Variants in BCL9 observed in about 807,000 individuals in gnomAD.
The protein encoded by BCL9 is BCL9 transcription coactivator.
BCL9 carries 25 observed loss-of-function variants against 88.5 expected under a neutral mutation model. The ratio of observed to expected loss-of-function variants is 0.28; its 90% CI spans 0.21 to 0.39. The LOEUF is 0.39. Ranked by LOEUF, BCL9 falls within the 10% of genes least tolerant of loss-of-function variation. BCL9 has a pLI of 1.00. For synonymous variants in BCL9, 711 were observed against 673.3 expected, an observed-to-expected ratio of 1.06 and a Z score of -0.87; for missense variants, 1,817 against 1,877.8, an observed-to-expected ratio of 0.97 and a Z score of 0.60.
At chr1:147,580,843 G>A (rs1394160942) in intron 1 of BCL9, among the ~76,000 whole-genome samples, 1 of 151,994 alleles carries the variant, frequency 6.6e-6, no homozygotes, top group African/African-American at 2.4e-5. Context: ...CTATGTGCTG[G>A]GTATTTTTCT....
rs587761900 is a variant in BCL9, at chr1:147,615,788, C to T, written c.561-15C>T. The T allele has an allele frequency of 8.1e-6, 13 of 1,608,258 alleles. No homozygotes were observed. The East Asian group carries it at 2.5e-4, about 30-fold the overall frequency. ...AAACAAGTTCTAGTGTGTGCTGTCT[C>T]TTCCATCTTTGCAGAGCTGCAGAAG... is the stretch of plus-strand genomic sequence containing the variant. On this transcript the variant is annotated splice_polypyrimidine_tract_variant and intron_variant, in intron 6 of 9. Coordinates refer to ENST00000234739, the MANE Select transcript of BCL9 (RefSeq NM_004326.4).
intron 1 of BCL9, among the ~76,000 whole-genome samples, chr1:147,547,289 G>A (rs1161395799): frequency 6.6e-6 from 1 of 152,164 alleles, no homozygotes; most frequent in Non-Finnish European, 1.5e-5. Context: ...AGAGGGTAGA[G>A]AATGAATGAT....
chr1:147,587,229 G>C (rs1656653398), intron 1 of BCL9, among the ~76,000 whole-genome samples: 1 of 151,382 alleles, frequency 6.6e-6, no homozygotes, highest in Non-Finnish European at 1.5e-5. Context: ...TTATACGCCC[G>C]AGAGAACCCA....
chr1:147,552,583 G>A (rs1342462656), intron 1 of BCL9, among the ~76,000 whole-genome samples: 4 of 152,148 alleles, frequency 2.6e-5, no homozygotes, highest in African/African-American at 9.7e-5. Flanking sequence ...TCCAGCCTGG[G>A]CAAAAAGAGT....
intron 1 of BCL9, among the ~76,000 whole-genome samples, chr1:147,581,769 C>T (rs782042420): frequency 2.0e-5 from 3 of 152,114 alleles, no homozygotes; most frequent in Non-Finnish European, 4.4e-5. Context: ...GAATTTTAGA[C>T]GCTGGCGACT....
At chr1:147,566,736 G>T (rs782457260) in intron 1 of BCL9, among the ~76,000 whole-genome samples, 1 of 147,014 alleles carries the variant, frequency 6.8e-6, no homozygotes, top group African/African-American at 2.5e-5. Flanking sequence ...AGCCCTGGGT[G>T]ACAGAGCGAG....
intron 1 of BCL9, among the ~76,000 whole-genome samples, chr1:147,576,059 G>T (rs587594321): frequency 6.6e-6 from 1 of 151,858 alleles, no homozygotes; most frequent in Non-Finnish European, 1.5e-5. Flanking sequence ...GATGCATTGC[G>T]GGGGAATAAG....
chr1:147,620,088 C>A lies in BCL9; in HGVS notation c.1933C>A (p.Pro645Thr). The A allele has an allele frequency of 6.2e-7, 1 of 1,614,194 alleles. No homozygotes were observed. The highest frequency in any genetic ancestry group is 8.5e-7 in the Non-Finnish European group (1 of 1,180,032). Residue 645 changes from proline to threonine, a missense_variant, in exon 8 of 10, where the codon CCA becomes ACA. This residue lies in a region of BCL9 where 1,228 missense variants were observed against 1,191.6 expected (regional missense o/e 1.03). Coordinates refer to ENST00000234739, the MANE Select transcript of BCL9 (RefSeq NM_004326.4). ...GGCAGAGAAACAGCTGGGTCTCCCC[C>A]CAGGGATGGCCATGGAAGGCATCAG... The part of the protein sequence containing the change: ...QLAEKQLGLP[P>T]GMAMEGIRPS...
intron 1 of BCL9, among the ~76,000 whole-genome samples, chr1:147,577,990 T>C (rs1656188244): frequency 1.3e-5 from 2 of 152,310 alleles, no homozygotes; most frequent in African/African-American, 4.8e-5. Flanking sequence ...GTTAATTGAT[T>C]ATTTCCCCTT....
At position 147,619,375 on chromosome 1, in the gene BCL9, A is replaced by G. The variant is rs782458380; in HGVS notation, c.1220A>G (p.Gln407Arg). The change falls in exon 8 of 10, where the codon CAG becomes CGG. Residue 407 changes from glutamine to arginine, a missense_variant. Gln to Arg is a conservative substitution (Grantham distance 43). Transcript: ENST00000234739. The surrounding 1 kb of genome is among the most constrained non-coding windows in gnomAD (Gnocchi z 4.1). ...CAGAAAAAACCAGAAGGGCCAATAC[A>G]GGCCATGATGGCCCAATCCCAAAGC... is the stretch of plus-strand genomic sequence containing the variant. ...GPQKKPEGPI[Q>R]AMMAQSQSLG... is the part of the protein sequence containing the mutation. The G allele has an allele frequency of 6.2e-7, 1 of 1,614,102 alleles. No homozygotes were observed.
rs144599922 is a variant in BCL9 at position 147,584,336 on chromosome 1, C to T, written c.-477-20441C>T. ...TGCTGGGATTACAGGTGTGAGCCAC[C>T]GCACCCAGCCGGATTCATTTTTATA... On this transcript the variant is annotated intron_variant, in intron 1 of 9. Coordinates refer to ENST00000234739, the MANE Select transcript of BCL9 (RefSeq NM_004326.4). Among the ~76,000 whole-genome samples, 407 of 152,252 alleles carry T rather than the reference C, an allele frequency of 2.7e-3. 4 individuals carry two copies. Among genetic ancestry groups the T allele is most frequent in the Middle Eastern group, 0.01 (3 of 294 alleles).
At chr1:147,551,385 A>C (rs1553194809) in intron 1 of BCL9, among the ~76,000 whole-genome samples, 1 of 152,190 alleles carries the variant, frequency 6.6e-6, no homozygotes, top group Non-Finnish European at 1.5e-5. Context: ...TGCACAGCCA[A>C]AGGTACATGC....
intron 1 of BCL9, among the ~76,000 whole-genome samples, chr1:147,578,712 A>T (rs1376937435): frequency 1.3e-5 from 2 of 152,178 alleles, no homozygotes; most frequent in Non-Finnish European, 2.9e-5. Context: ...CAAACTTTGC[A>T]TTCCCTTAAT....
intron 1 of BCL9, among the ~76,000 whole-genome samples, chr1:147,566,631 C>T (rs1655610134): frequency 6.6e-6 from 1 of 151,844 alleles, no homozygotes; most frequent in African/African-American, 2.4e-5. Context: ...TGGCGGGCGC[C>T]TGTAGTCCCA....
rs781831442 is a variant in BCL9, at chr1:147,623,906, C to A, written c.3228C>A (p.Thr1076=). 2.5e-6 allele frequency: 4 copies of A among 1,614,190 alleles called. No homozygotes were observed. Among genetic ancestry groups the A allele is most frequent in the Admixed American group, 1.7e-5 (1 of 60,034 alleles). ...CAAACCCCGTGGTTCCGATGCCAACCCTCAGCCCAATGGGAATGACCCAGC... is the reference window on the plus strand; with the variant it reads ...CAAACCCCGTGGTTCCGATGCCAACACTCAGCCCAATGGGAATGACCCAGC... ...SGPNPVVPMP[T]LSPMGMTQPL... is the part of the protein sequence containing the mutation. The change falls in exon 10 of 10, where the codon ACC becomes ACA. Residue 1076 remains threonine (T), a synonymous_variant. Transcript: ENST00000234739.
chr1:147,551,048 G>C (rs1654878737), intron 1 of BCL9, among the ~76,000 whole-genome samples: 1 of 152,136 alleles, frequency 6.6e-6, no homozygotes, highest in Non-Finnish European at 1.5e-5. Context: ...ACAATCCTGA[G>C]GGACTTGTAT....
In BCL9 at chr1:147,625,038, G is replaced by GTACT. The variant is rs1553206368; in HGVS notation, c.*84_*87dup. On this transcript the variant is annotated 3_prime_UTR_variant, in exon 10 of 10. Transcript: ENST00000234739. Reference sequence around the variant, plus strand: ...GAGCTGCTTTGAGGGAGTTCCAGGAGTACTTACTATTGGTCATGCAATAGG... The same window carrying GTACT: ...GAGCTGCTTTGAGGGAGTTCCAGGAGTACTTACTTACTATTGGTCATGCAATAGG... 3 of 1,517,872 alleles carry GTACT rather than the reference G, an allele frequency of 2.0e-6. No individual in the cohort carries two copies. Among genetic ancestry groups the GTACT allele is most frequent in the Non-Finnish European group, 2.7e-6 (3 of 1,124,430 alleles). The allele number at this position is 1,517,872 out of a possible 1,614,324, so 94.0% of individuals were successfully genotyped here.
intron 1 of BCL9, among the ~76,000 whole-genome samples, chr1:147,576,485 C>G (rs1656117141): frequency 6.6e-6 from 1 of 152,194 alleles, no homozygotes. Flanking sequence ...GAGAAATTCA[C>G]TACATAGAAA....
intron 3 of BCL9, among the ~76,000 whole-genome samples, chr1:147,608,435 G>A (rs1553202253): frequency 6.7e-6 from 1 of 149,656 alleles, no homozygotes; most frequent in Admixed American, 6.7e-5. Flanking sequence ...GAAAATGAGA[G>A]CTCTCAGAAG....
Sources: gnomAD v4.1 joint callset for allele counts (sites outside exome capture counted in the v4.1 genomes callset) on GRCh38, gnomAD v4.1.1 for gene constraint, gnomAD v4.1.1 regional missense constraint, Gnocchi (gnomAD v3.1) non-coding constraint, MANE v1.5 for transcripts, NCBI Gene and HGNC (gene_info 2026-07-23, HGNC 2026-07-21) for gene names.